HGF: variants seen among roughly 807,000 people sequenced by gnomAD.
The protein encoded by HGF is fibroblast-derived tumor cytotoxic factor.
HGF carries 39 observed loss-of-function variants against 111.6 expected under a neutral mutation model. That is an observed-to-expected ratio of 0.35 (90% confidence interval 0.27 to 0.46). HGF has a LOEUF of 0.46. Among genes scored for constraint, HGF ranks in the 20% least tolerant of loss-of-function variants. The pLI is 1.00. For missense variants in HGF, 735 were observed against 910.5 expected, an observed-to-expected ratio of 0.81 and a Z score of 2.48; for synonymous variants, 285 against 294.8, an observed-to-expected ratio of 0.97 and a Z score of 0.34.
rs1258751554 is a variant in HGF at position 81,755,821 on chromosome 7, T to G, written c.482+1368A>C. 1.1e-5 allele frequency: 6 copies of G among 548,324 alleles called. No individual in the cohort carries two copies. The East Asian group carries it at 1.8e-4, about 16-fold the overall frequency. 34.0% of individuals were successfully genotyped at this position (548,324 alleles called of 1,614,324 possible). A position where few individuals can be genotyped will look rare whatever the true frequency, so the allele number is the denominator to read the frequency against. ...TTCTACATAATTGTAAGTAACTAATTTTGAAAATTGTTGTTTTCTGTTATT... is the reference window on the plus strand; with the variant it reads ...TTCTACATAATTGTAAGTAACTAATGTTGAAAATTGTTGTTTTCTGTTATT... On this transcript the variant is annotated intron_variant, in intron 4 of 17. Transcript: ENST00000222390.
At chr7:81,720,949 T>G in intron 9 of HGF, 102 bp from the exon 10 acceptor site, 1 of 746,488 alleles carries the variant, frequency 1.3e-6, no homozygotes. Flanking sequence ...ACATAAAAAT[T>G]AAAGTACTTG....
At chr7:81,756,922 A>C in intron 4 of HGF, 1 of 522,174 alleles carries the variant, frequency 1.9e-6, no homozygotes, top group African/African-American at 1.9e-5. Flanking sequence ...ATCCTTTTAA[A>C]CGAAGTTTAC....
chr7:81,711,096 CA>C (rs1438499084), intron 12 of HGF, among the ~76,000 whole-genome samples: 1 of 152,130 alleles, frequency 6.6e-6, no homozygotes, highest in African/African-American at 2.4e-5. Context: ...AGAATAGAGG[CA>C]CTGAATAACT....
At chr7:81,742,684 T>C (rs998053093) in intron 7 of HGF, 3 of 1,353,514 alleles carry the variant, frequency 2.2e-6, no homozygotes, top group African/African-American at 2.9e-5. Context: ...AAAGGAACAA[T>C]ATAAAACACG....
intron 4 of HGF, chr7:81,756,886 G>T: frequency 2.3e-6 from 1 of 436,156 alleles, no homozygotes; most frequent in Non-Finnish European, 4.2e-6. Flanking sequence ...GCACAGTGCC[G>T]TACTTTCTCA....
rs973551337 is a variant in HGF at position 81,748,067 on chromosome 7, A to G, written c.626-2947T>C. Among the ~76,000 whole-genome samples the G allele has an allele frequency of 2.6e-5, 4 of 152,256 alleles. No individual in the cohort carries two copies. In the East Asian group the frequency reaches 7.7e-4, roughly 29 times the overall value. On this transcript the variant is annotated intron_variant, in intron 5 of 17. Coordinates refer to ENST00000222390, the MANE Select transcript of HGF (RefSeq NM_000601.6). ...ACTTACCTAAAACACAAAATGTTAA[A>G]CCTGAGCCAGGAACACAAATCTTCT...
intron 11 of HGF, among the ~76,000 whole-genome samples, chr7:81,715,585 A>T (rs2115836152): frequency 6.6e-6 from 1 of 152,212 alleles, no homozygotes; most frequent in Admixed American, 6.5e-5. Context: ...AGAGTTTCCC[A>T]ACCTATTAAA....
At chr7:81,710,960 T>TA (rs1789556860) in intron 12 of HGF, among the ~76,000 whole-genome samples, 1 of 152,126 alleles carries the variant, frequency 6.6e-6, no homozygotes, top group Non-Finnish European at 1.5e-5. Context: ...GCTCAAGAGA[T>TA]ATGTGAAAAT....
intron 7 of HGF, among the ~76,000 whole-genome samples, chr7:81,734,940 C>T (rs1423979462): frequency 6.6e-6 from 1 of 152,108 alleles, no homozygotes; most frequent in Non-Finnish European, 1.5e-5. Flanking sequence ...GGCTGGTAGA[C>T]AAATACCCGA....
At chr7:81,747,955 C>T (rs1788342739) in intron 5 of HGF, among the ~76,000 whole-genome samples, 2 of 152,068 alleles carry the variant, frequency 1.3e-5, no homozygotes, top group African/African-American at 4.8e-5. Flanking sequence ...AAACAAAAAA[C>T]AAAAACAAAC....
intron 5 of HGF, among the ~76,000 whole-genome samples, chr7:81,747,000 T>G (rs1662268827): frequency 6.6e-6 from 1 of 152,136 alleles, no homozygotes; most frequent in African/African-American, 2.4e-5. Flanking sequence ...TTGCTGGTAC[T>G]TGGACCTCAC....
intron 7 of HGF, among the ~76,000 whole-genome samples, chr7:81,734,831 C>A (rs553419013): frequency 6.6e-6 from 1 of 152,056 alleles, no homozygotes; most frequent in East Asian, 1.9e-4. Flanking sequence ...CCAAACCCAC[C>A]CTGCCCTCAA....
At chr7:81,722,182 A>T (rs547419142) in intron 9 of HGF, among the ~76,000 whole-genome samples, 2 of 152,162 alleles carry the variant, frequency 1.3e-5, no homozygotes, top group East Asian at 3.9e-4. Context: ...AATTTGGCCA[A>T]TGGAAGCCAC....
intron 1 of HGF, among the ~76,000 whole-genome samples, chr7:81,764,645 T>C (rs1002418716): frequency 6.6e-6 from 1 of 152,124 alleles, no homozygotes; most frequent in Non-Finnish European, 1.5e-5. Flanking sequence ...ATTAAGTAAA[T>C]ATTTGAAAAT....
At chr7:81,735,990 A>G (rs1787811729) in intron 7 of HGF, among the ~76,000 whole-genome samples, 2 of 152,028 alleles carry the variant, frequency 1.3e-5, no homozygotes, top group Admixed American at 6.6e-5. Context: ...AACAATCCCT[A>G]TATCTAAATA....
intron 5 of HGF, among the ~76,000 whole-genome samples, chr7:81,745,704 T>C (rs1274539227): frequency 6.6e-6 from 1 of 152,210 alleles, no homozygotes; most frequent in East Asian, 1.9e-4. Flanking sequence ...CGAACATCCA[T>C]GTTGAATAAG....
At chr7:81,763,360 T>A in intron 1 of HGF, among the ~76,000 whole-genome samples, 1 of 152,296 alleles carries the variant, frequency 6.6e-6, no homozygotes, top group African/African-American at 2.4e-5. Flanking sequence ...TCTGACCTAC[T>A]CTTTAAAGTC....
In HGF at chr7:81,729,796, A is replaced by G; in HGVS notation, c.866-17T>C. The G allele has an allele frequency of 2.0e-6, 3 of 1,507,612 alleles. No homozygotes were observed. Among genetic ancestry groups the G allele is most frequent in the Non-Finnish European group, 1.8e-6 (2 of 1,139,480 alleles). The allele number at this position is 1,507,612 out of a possible 1,614,324, so 93.4% of individuals were successfully genotyped here. A position where few individuals can be genotyped will look rare whatever the true frequency, so the allele number is the denominator to read the frequency against. On this transcript the variant is annotated splice_polypyrimidine_tract_variant and intron_variant, in intron 7 of 17. Transcript: ENST00000222390. ...TATTGTCAGCTATTGGCAAAAAACA[A>G]CAACAAAAAAAAACTTATATAAAAT...
At chr7:81,712,859 A>ATT (rs765576459) in intron 11 of HGF, among the ~76,000 whole-genome samples, 47 of 152,318 alleles carry the variant, frequency 3.1e-4, no homozygotes, top group Non-Finnish European at 2.1e-4. Flanking sequence ...ATTTAAGTTC[A>ATT]TTTTTCAGAT....
Sources: gnomAD v4.1 joint callset for allele counts (sites outside exome capture counted in the v4.1 genomes callset) on GRCh38, gnomAD v4.1.1 for gene constraint, MANE v1.5 for transcripts, NCBI Gene and HGNC (gene_info 2026-07-23, HGNC 2026-07-21) for gene names.